Variants in ABLIM1 observed in about 807,000 individuals in gnomAD.
The protein encoded by ABLIM1 is actin-binding LIM protein 1.
In ABLIM1, 40 loss-of-function variants were observed where a neutral mutation model predicts 107.0. The ratio of observed to expected loss-of-function variants is 0.37; its 90% CI spans 0.29 to 0.49. The LOEUF is 0.49. Ranked by LOEUF, ABLIM1 falls within the 20% of genes least tolerant of loss-of-function variation. The pLI is 0.97. For missense variants in ABLIM1, 857 were observed against 1,008.5 expected (o/e 0.85, Z 2.04); for synonymous variants, 357 against 357.3 (o/e 1.00, Z 0.01).
At chr10:114,533,232 T>G (rs768996705) in intron 6 of ABLIM1, among the ~76,000 whole-genome samples, 4 of 151,850 alleles carry the variant, frequency 2.6e-5, no homozygotes, top group Non-Finnish European at 5.9e-5. Context: ...TCCCAGCTAT[T>G]TGGGAGGCTG....
the ABLIM1 span, among the ~76,000 whole-genome samples, chr10:114,798,002 T>C: frequency 6.6e-6 from 1 of 152,232 alleles, no homozygotes. Flanking sequence ...TAAAATAAAT[T>C]ACTTATTTGC....
At chr10:114,726,461 T>C (rs2081961660) in intron 1 of ABLIM1, among the ~76,000 whole-genome samples, 1 of 151,922 alleles carries the variant, frequency 6.6e-6, no homozygotes, top group Admixed American at 6.6e-5. Context: ...GCACATCACA[T>C]GGCAAAAGCA....
At chr10:114,791,935 C>T in the ABLIM1 span, among the ~76,000 whole-genome samples, 3 of 152,196 alleles carry the variant, frequency 2.0e-5, no homozygotes, top group Non-Finnish European at 4.4e-5. Context: ...CTGGCACTGT[C>T]TCAATAATCA....
At chr10:114,791,654 A>G in the ABLIM1 span, among the ~76,000 whole-genome samples, 1 of 151,964 alleles carries the variant, frequency 6.6e-6, no homozygotes, top group African/African-American at 2.4e-5. Flanking sequence ...AAAAACAAAA[A>G]CAAGAAAACA....
chr10:114,789,632 C>T, the ABLIM1 span, among the ~76,000 whole-genome samples: 4 of 152,094 alleles, frequency 2.6e-5, no homozygotes, highest in African/African-American at 4.8e-5. Context: ...TGGTGTGAGA[C>T]GGTATCTCAT....
intron 1 of ABLIM1, chr10:114,690,757 C>T (rs1168956841): frequency 3.3e-6 from 1 of 305,386 alleles, no homozygotes; most frequent in African/African-American, 2.1e-5. Flanking sequence ...TCTCAGCTCC[C>T]TGCAACCTCT....
chr10:114,662,051 A>G (rs1007536694), upstream of ABLIM1, among the ~76,000 whole-genome samples: 7 of 152,122 alleles, frequency 4.6e-5, no homozygotes, highest in African/African-American at 1.4e-4. Context: ...TTTTTCTCAG[A>G]CAAGTATCCC....
intron 1 of ABLIM1, among the ~76,000 whole-genome samples, chr10:114,649,519 A>G (rs1443630410): frequency 2.6e-5 from 4 of 152,198 alleles, no homozygotes; most frequent in Admixed American, 1.3e-4. Flanking sequence ...TGCATATCAT[A>G]TCATAGTCTA....
chr10:114,738,249 C>G (rs189540546), intron 1 of ABLIM1, among the ~76,000 whole-genome samples: 1 of 152,224 alleles, frequency 6.6e-6, no homozygotes, highest in East Asian at 1.9e-4. Context: ...GGGGCTTTGC[C>G]ATGTTGGCCA....
rs148892061 is a variant in ABLIM1, at chr10:114,474,863, A to C, written c.1042-907T>G. The stretch of plus-strand genomic sequence containing the variant: ...CAGTTTCCCCCATACTATTCTTGTG[A>C]TAGTGAATAAGTCTCACGAGACTGA... On this transcript the variant is annotated intron_variant, in intron 8 of 22. Transcript: ENST00000533213. Among the ~76,000 whole-genome samples, 547 of 152,288 alleles carry C rather than the reference A, an allele frequency of 3.6e-3. 5 individuals are homozygous for C. The highest frequency in any genetic ancestry group is 0.012 in the African/African-American group (517 of 41,562).
intron 1 of ABLIM1, among the ~76,000 whole-genome samples, chr10:114,745,686 A>G (rs2082369189): frequency 6.6e-6 from 1 of 152,242 alleles, no homozygotes; most frequent in Non-Finnish European, 1.5e-5. Context: ...CCTGGCCAAC[A>G]TGGTGAAACC....
chr10:114,571,484 C>T, intron 3 of ABLIM1, 78 bp from the exon 4 acceptor site: 1 of 1,362,418 alleles, frequency 7.3e-7, no homozygotes, highest in Non-Finnish European at 1.0e-6. Context: ...GCTTGCTGCC[C>T]TCCGGTGCCC....
At chr10:114,602,091 C>G in intron 1 of ABLIM1, 130 bp from the exon 2 acceptor site, 1 of 1,199,248 alleles carries the variant, frequency 8.3e-7, no homozygotes, top group Non-Finnish European at 1.2e-6. Context: ...ACAGAGCAGT[C>G]CCTCCAAGTC....
At chr10:114,499,960 C>T (rs1189558142) in intron 6 of ABLIM1, among the ~76,000 whole-genome samples, 1 of 152,244 alleles carries the variant, frequency 6.6e-6, no homozygotes, top group Non-Finnish European at 1.5e-5. Context: ...GGAGGCTTTT[C>T]TCCTGATGCA....
At chr10:114,602,294 T>A (rs919443301) in intron 1 of ABLIM1, among the ~76,000 whole-genome samples, 1 of 152,252 alleles carries the variant, frequency 6.6e-6, no homozygotes, top group Non-Finnish European at 1.5e-5. Flanking sequence ...ACTTGTAATA[T>A]GCCTTTATAT....
chr10:114,763,933 C>T (rs1010183100), intron 1 of ABLIM1, among the ~76,000 whole-genome samples: 2 of 152,152 alleles, frequency 1.3e-5, no homozygotes, highest in African/African-American at 4.8e-5. Context: ...CTCTTATGAT[C>T]CTGCCATAAT....
intron 1 of ABLIM1, among the ~76,000 whole-genome samples, chr10:114,755,104 G>A (rs999286991): frequency 6.6e-6 from 1 of 152,168 alleles, no homozygotes; most frequent in African/African-American, 2.4e-5. Context: ...GAACGGAGCC[G>A]CACAGCAGGA....
intron 2 of ABLIM1, among the ~76,000 whole-genome samples, chr10:114,592,947 T>C (rs540279481): frequency 3.2e-4 from 48 of 152,134 alleles, no homozygotes; most frequent in African/African-American, 1.2e-3. Context: ...TTGAAGATAC[T>C]AGTCTGGAAT....
chr10:114,488,223 A>G (rs77140932), intron 7 of ABLIM1, among the ~76,000 whole-genome samples: 3,807 of 152,272 alleles, frequency 0.025, 144 homozygotes, highest in African/African-American at 0.084. Flanking sequence ...CTTGTTTGAT[A>G]AAGGTCATAA....
Sources: gnomAD v4.1 joint callset for allele counts (sites outside exome capture counted in the v4.1 genomes callset) on GRCh38, gnomAD v4.1.1 for gene constraint, MANE v1.5 for transcripts, NCBI Gene and HGNC (gene_info 2026-07-23, HGNC 2026-07-21) for gene names.